Variants in FNIP2 observed in about 807,000 individuals in gnomAD.
FNIP2 encodes folliculin interacting protein 2.
In FNIP2, 32 loss-of-function variants were observed where a neutral mutation model predicts 108.7. That is an observed-to-expected ratio of 0.29 (90% CI 0.22 to 0.40). The LOEUF (loss-of-function observed/expected upper bound fraction) is 0.40. FNIP2 is among the 10% of genes least tolerant of loss of function. The pLI is 1.00. For synonymous variants in FNIP2, 480 were observed against 496.7 expected (o/e 0.97, Z 0.45); for missense variants, 1,202 against 1,381.6 (o/e 0.87, Z 2.06).
At chr4:158,790,723 G>T (rs934033921) in intron 1 of FNIP2, among the ~76,000 whole-genome samples, 2 of 151,950 alleles carry the variant, frequency 1.3e-5, no homozygotes, top group Admixed American at 6.6e-5. Context: ...CTCCAGCCTG[G>T]GTGACATAGT....
chr4:158,861,024 A>C (rs1308371372), intron 10 of FNIP2, among the ~76,000 whole-genome samples: 3 of 152,210 alleles, frequency 2.0e-5, no homozygotes, highest in Non-Finnish European at 4.4e-5. Flanking sequence ...GAGGCTTTCT[A>C]GTTCTGTACT....
intron 1 of FNIP2, among the ~76,000 whole-genome samples, chr4:158,780,963 A>G (rs1366513260): frequency 1.3e-5 from 2 of 151,312 alleles, no homozygotes; most frequent in African/African-American, 2.4e-5. Context: ...CGAACCCCAG[A>G]GGCGGAGGTT....
At chr4:158,792,425 T>C (rs1274039040) in intron 1 of FNIP2, among the ~76,000 whole-genome samples, 1 of 151,594 alleles carries the variant, frequency 6.6e-6, no homozygotes, top group African/African-American at 2.4e-5. Flanking sequence ...AGCCCCCACG[T>C]ATAGTGCTGG....
At chr4:158,840,450 C>T (rs1779063058) in intron 7 of FNIP2, among the ~76,000 whole-genome samples, 1 of 151,954 alleles carries the variant, frequency 6.6e-6, no homozygotes, top group Non-Finnish European at 1.5e-5. Flanking sequence ...GGCTGGAGTG[C>T]AGTGGCGCAA....
chr4:158,773,654 T>C (rs897942208), intron 1 of FNIP2, among the ~76,000 whole-genome samples: 6 of 152,190 alleles, frequency 3.9e-5, no homozygotes, highest in Admixed American at 3.3e-4. Flanking sequence ...AATGGAACCA[T>C]TTTTCAGAGG....
In FNIP2 at chr4:158,904,806, G is replaced by T. The variant is rs1729687513; in HGVS notation, c.*262G>T. Reference sequence around the variant, plus strand: ...ATCAACAAAGAAACTGACCTTTTTGGTAGGAGGAAACATAAGCACTAAACA... The same window carrying T: ...ATCAACAAAGAAACTGACCTTTTTGTTAGGAGGAAACATAAGCACTAAACA... On this transcript the variant is annotated 3_prime_UTR_variant, in exon 17 of 17. Transcript: ENST00000264433. 3 of 429,520 alleles carry T rather than the reference G, an allele frequency of 7.0e-6. No individual in the cohort carries two copies. Among genetic ancestry groups the T allele is most frequent in the Non-Finnish European group, 1.3e-5 (3 of 233,438 alleles). 26.6% of individuals were successfully genotyped at this position (429,520 alleles called of 1,614,324 possible). A position where few individuals can be genotyped will look rare whatever the true frequency, so the allele number is the denominator to read the frequency against.
At chr4:158,888,082 T>C (rs1318900192) in intron 14 of FNIP2, among the ~76,000 whole-genome samples, 3 of 152,270 alleles carry the variant, frequency 2.0e-5, no homozygotes, top group African/African-American at 4.8e-5. Context: ...ATGATATTTT[T>C]ATCTCTTTCC....
At chr4:158,899,104 A>G (rs1055386153) in intron 16 of FNIP2, among the ~76,000 whole-genome samples, 1 of 152,164 alleles carries the variant, frequency 6.6e-6, no homozygotes, top group African/African-American at 2.4e-5. Context: ...AGATGAGATA[A>G]TCATCTGGTT....
chr4:158,813,440 T>A (rs1460782082), intron 1 of FNIP2, among the ~76,000 whole-genome samples: 5 of 152,240 alleles, frequency 3.3e-5, no homozygotes, highest in African/African-American at 1.2e-4. Flanking sequence ...ACATACAATG[T>A]GGATCAACTT....
chr4:158,779,673 G>T (rs193072412), intron 1 of FNIP2, among the ~76,000 whole-genome samples: 185 of 149,058 alleles, frequency 1.2e-3, no homozygotes, highest in Non-Finnish European at 2.4e-3. Flanking sequence ...GGGCTTAAGT[G>T]ACCCTCCCAC....
intron 1 of FNIP2, among the ~76,000 whole-genome samples, chr4:158,777,717 G>A (rs966760367): frequency 1.3e-5 from 2 of 152,300 alleles, no homozygotes; most frequent in East Asian, 3.9e-4. Flanking sequence ...CAGGCTCCAC[G>A]GAAGACCATG....
At chr4:158,824,697 G>A (rs992151331) in intron 1 of FNIP2, among the ~76,000 whole-genome samples, 2 of 152,144 alleles carry the variant, frequency 1.3e-5, no homozygotes, top group South Asian at 2.1e-4. Context: ...CTTATCAAGC[G>A]TCTGTTTTCC....
chr4:158,779,467 G>A (rs1171954985), intron 1 of FNIP2, among the ~76,000 whole-genome samples: 2 of 151,972 alleles, frequency 1.3e-5, no homozygotes, highest in Non-Finnish European at 1.5e-5. Flanking sequence ...AGTAAAATAT[G>A]CAAATGTATG....
At chr4:158,799,362 T>C (rs1180350736) in intron 1 of FNIP2, among the ~76,000 whole-genome samples, 1 of 152,238 alleles carries the variant, frequency 6.6e-6, no homozygotes, top group Non-Finnish European at 1.5e-5. Context: ...TTCTCATGAA[T>C]TAAATAATTT....
intron 1 of FNIP2, among the ~76,000 whole-genome samples, chr4:158,779,506 A>G (rs967334607): frequency 8.5e-5 from 13 of 152,124 alleles, no homozygotes; most frequent in African/African-American, 2.9e-4. Flanking sequence ...AAACAGAAAA[A>G]TAATAAAGAA....
chr4:158,837,501 A>G (rs1430085129), intron 7 of FNIP2, among the ~76,000 whole-genome samples: 2 of 152,242 alleles, frequency 1.3e-5, no homozygotes, highest in Admixed American at 6.5e-5. Context: ...AGTTTATAAT[A>G]TAGTTCATAT....
chr4:158,827,567 A>G (rs549052072), intron 2 of FNIP2, among the ~76,000 whole-genome samples: 19 of 152,294 alleles, frequency 1.2e-4, no homozygotes, highest in Admixed American at 8.5e-4. Flanking sequence ...TTCTCCAATT[A>G]TAGACTGTTC....
chr4:158,868,130 A>G lies in FNIP2; in HGVS notation c.1494A>G (p.Pro498=), dbSNP rs746229793. The change falls in exon 13 of 17, where the codon CCA becomes CCG. Residue 498 remains proline (P), a synonymous_variant. Coordinates refer to ENST00000264433, the MANE Select transcript of FNIP2 (RefSeq NM_020840.3). This position sits in a 1 kb window ranked among gnomAD's most constrained non-coding sequence, Gnocchi z 4.6. The part of the protein sequence containing the change: ...LGDLYGAIGS[P]VRLTRTVVVG... ...ATCTTTACGGAGCCATAGGCTCTCC[A>G]GTGAGACTGACTCGCACCGTAGTGG... The G allele has an allele frequency of 4.0e-5, 64 of 1,614,036 alleles. 1 individual carries two copies. In the East Asian group the frequency reaches 1.3e-3, roughly 34 times the overall value.
intron 1 of FNIP2, among the ~76,000 whole-genome samples, chr4:158,814,899 A>G (rs189322500): frequency 6.6e-6 from 1 of 152,352 alleles, no homozygotes; most frequent in Non-Finnish European, 1.5e-5. Context: ...ACAGTAGTTA[A>G]GGGCTTGTCT....
Sources: allele counts gnomAD v4.1 joint callset (sites outside exome capture counted in the v4.1 genomes callset), GRCh38; gene constraint gnomAD v4.1.1; non-coding constraint Gnocchi (gnomAD v3.1); transcripts MANE v1.5; gene names NCBI Gene and HGNC (gene_info 2026-07-23, HGNC 2026-07-21).